Variants in CSMD2 observed in about 807,000 individuals in gnomAD.
CSMD2 encodes CUB and Sushi multiple domains 2, also known as CUB and sushi domain-containing protein 2.
Under a neutral mutation model 398.5 loss-of-function variants are expected in CSMD2, and 130 were observed. That is an observed-to-expected ratio of 0.33 (90% CI 0.28 to 0.38). The LOEUF (loss-of-function observed/expected upper bound fraction) is 0.38, where lower values mean the gene tolerates loss of function less well. CSMD2 is among the 10% of genes least tolerant of loss of function. The pLI is 1.00. For missense variants in CSMD2, 3,829 were observed against 4,764.9 expected, an observed-to-expected ratio of 0.80 and a Z score of 5.78; for synonymous variants, 1,828 against 1,908.5, an observed-to-expected ratio of 0.96 and a Z score of 1.10.
chr1:33,975,512 C>CACACACACACACA (rs925463388), intron 3 of CSMD2, among the ~76,000 whole-genome samples: 1 of 150,644 alleles, frequency 6.6e-6, no homozygotes, highest in Non-Finnish European at 1.5e-5. Context: ...CACACACACA[C>CACACACACACACA]AAGTGCATAA....
chr1:33,975,486 TACACACACAC>T (rs57095754), intron 3 of CSMD2, among the ~76,000 whole-genome samples: 1 of 146,360 alleles, frequency 6.8e-6, no homozygotes, highest in Non-Finnish European at 1.5e-5. Context: ...CTCCCAAGTG[TACACACACAC>T]ACACACACAC....
At chr1:33,996,873 G>C (rs1475173894) in intron 3 of CSMD2, among the ~76,000 whole-genome samples, 1 of 152,064 alleles carries the variant, frequency 6.6e-6, no homozygotes, top group Non-Finnish European at 1.5e-5. Flanking sequence ...GGGACCGGAA[G>C]AAGAAAGACA....
At chr1:33,723,341 C>G (rs908193871) in intron 19 of CSMD2, among the ~76,000 whole-genome samples, 1 of 152,208 alleles carries the variant, frequency 6.6e-6, no homozygotes, top group Non-Finnish European at 1.5e-5. Flanking sequence ...ATCAAAACCT[C>G]TAGCCTTGGG....
At chr1:34,069,761 G>A (rs1432695674) in intron 2 of CSMD2, among the ~76,000 whole-genome samples, 2 of 152,208 alleles carry the variant, frequency 1.3e-5, no homozygotes, top group Non-Finnish European at 2.9e-5. Flanking sequence ...GGTGTGATTA[G>A]ATTTGGAGAA....
At chr1:33,677,611 T>C (rs1425372088) in intron 25 of CSMD2, among the ~76,000 whole-genome samples, 1 of 152,196 alleles carries the variant, frequency 6.6e-6, no homozygotes, top group African/African-American at 2.4e-5. Context: ...TTACTGGGTA[T>C]ATGCCCAAAG....
chr1:33,930,448 C>G (rs997529111), intron 4 of CSMD2, among the ~76,000 whole-genome samples: 2 of 152,214 alleles, frequency 1.3e-5, no homozygotes, highest in East Asian at 3.9e-4. Flanking sequence ...TACAGCTCAG[C>G]GCTTGCAGTC....
Position 33,658,125 on chromosome 1 carries a change from G to A in CSMD2, c.4268C>T (p.Thr1423Met), listed in dbSNP as rs201706820. ...CGGGATCCCAGGGTCATTGCAGGAC[G>A]TTGCTGTGGACACTGGGGCAAGGAA... is the stretch of plus-strand genomic sequence containing the variant. ...FAIQFSVSTA[T>M]SCNDPGIPQN... The change falls in exon 27 of 71, where the codon ACG becomes ATG. Residue 1423 changes from threonine (T) to methionine (M), a missense_variant. This residue lies in a region of CSMD2 where 2,001 missense variants were observed against 2,567.1 expected (regional missense o/e 0.78). Coordinates refer to ENST00000373381, the MANE Select transcript of CSMD2 (RefSeq NM_001281956.2). 5.4e-5 allele frequency: 87 copies of A among 1,613,508 alleles called. No individual in the cohort carries two copies. The highest frequency in any genetic ancestry group is 2.4e-4 in the African/African-American group (18 of 74,918).
chr1:33,828,534 A>G (rs1659083960), intron 6 of CSMD2, among the ~76,000 whole-genome samples: 1 of 152,108 alleles, frequency 6.6e-6, no homozygotes, highest in Non-Finnish European at 1.5e-5. Context: ...TTGCTAGAGG[A>G]AGGGGAATGA....
chr1:34,145,537 G>A (rs1188608595), intron 1 of CSMD2, among the ~76,000 whole-genome samples: 2 of 152,180 alleles, frequency 1.3e-5, no homozygotes, highest in African/African-American at 2.4e-5. Context: ...GGGGAGAGCT[G>A]ATCTGTACCA....
chr1:33,684,179 A>AAG (rs1054871297), intron 25 of CSMD2, among the ~76,000 whole-genome samples: 3 of 152,228 alleles, frequency 2.0e-5, no homozygotes, highest in African/African-American at 7.2e-5. Flanking sequence ...TCCTCCCAGG[A>AAG]AGATAAGCTC....
At position 33,803,803 on chromosome 1, in the gene CSMD2, G is replaced by A. The variant is rs757901530; in HGVS notation, c.1446+6940C>T. 2.0e-4 allele frequency among the ~76,000 whole-genome samples: 31 copies of A among 152,310 alleles called. 1 individual carries two copies. The highest frequency in any genetic ancestry group is 2.0e-3 in the Admixed American group (30 of 15,302). On this transcript the variant is annotated intron_variant, in intron 10 of 70. Transcript: ENST00000373381. Reference sequence around the variant, plus strand: ...CCTCTAAACTTCTCCATTGCTGCTAGAGTAATTTTCCAAAAACTCAGATCT... The same window carrying A: ...CCTCTAAACTTCTCCATTGCTGCTAAAGTAATTTTCCAAAAACTCAGATCT...
In CSMD2 at chr1:33,635,364, C is replaced by G; in HGVS notation, c.4970-34G>C. 4 of 1,307,076 alleles carry G rather than the reference C, an allele frequency of 3.1e-6. No homozygotes were observed. The highest frequency in any genetic ancestry group is 4.4e-6 in the Non-Finnish European group (4 of 905,796). The allele number at this position is 1,307,076 out of a possible 1,614,324, so 81.0% of individuals were successfully genotyped here. A position where few individuals can be genotyped will look rare whatever the true frequency, so the allele number is the denominator to read the frequency against. On this transcript the variant is annotated intron_variant, in intron 30 of 70. Coordinates refer to ENST00000373381, the MANE Select transcript of CSMD2 (RefSeq NM_001281956.2). This position sits in a 1 kb window ranked among gnomAD's most constrained non-coding sequence, Gnocchi z 5.0. ...GAAACCAGATAGAGAGTCAGGTGACCTTGTGGGCCTCTTACCAGTGACCAT... is the reference window on the plus strand; with the variant it reads ...GAAACCAGATAGAGAGTCAGGTGACGTTGTGGGCCTCTTACCAGTGACCAT...
At chr1:33,565,076 G>T (rs905874707) in intron 53 of CSMD2, among the ~76,000 whole-genome samples, 13 of 152,184 alleles carry the variant, frequency 8.5e-5, no homozygotes, top group South Asian at 2.1e-4. Flanking sequence ...TATACACTAA[G>T]CCCAGGCAGA....
intron 2 of CSMD2, among the ~76,000 whole-genome samples, chr1:34,044,958 G>C (rs1479789106): frequency 2.0e-5 from 3 of 151,646 alleles, no homozygotes; most frequent in African/African-American, 7.3e-5. Context: ...AAACCATTAA[G>C]CTAAAAACAG....
At chr1:33,886,911 C>G (rs1229733349) in intron 5 of CSMD2, among the ~76,000 whole-genome samples, 1 of 152,080 alleles carries the variant, frequency 6.6e-6, no homozygotes, top group East Asian at 1.9e-4. Flanking sequence ...TCTCACTCAG[C>G]CTTCAGCATG....
At chr1:34,042,116 A>G (rs1651913778) in intron 2 of CSMD2, among the ~76,000 whole-genome samples, 1 of 152,230 alleles carries the variant, frequency 6.6e-6, no homozygotes, top group Admixed American at 6.5e-5. Flanking sequence ...TATGGAGTCT[A>G]TTAGTACATT....
chr1:34,082,319 G>A (rs1302893358), intron 2 of CSMD2, among the ~76,000 whole-genome samples: 1 of 150,350 alleles, frequency 6.7e-6, no homozygotes, highest in Non-Finnish European at 1.5e-5. Flanking sequence ...CTGCCCGGCC[G>A]CCCCGTCTGG....
At chr1:34,111,366 G>A (rs1390996788) in intron 1 of CSMD2, among the ~76,000 whole-genome samples, 1 of 152,164 alleles carries the variant, frequency 6.6e-6, no homozygotes, top group African/African-American at 2.4e-5. Context: ...ACTTGCCCAT[G>A]ACTTCCATAA....
chr1:33,924,446 G>A (rs553037556), intron 4 of CSMD2, among the ~76,000 whole-genome samples: 1 of 152,264 alleles, frequency 6.6e-6, no homozygotes, highest in African/African-American at 2.4e-5. Flanking sequence ...ATCTAATGGT[G>A]TGCACTTGTG....
Sources: gnomAD v4.1 joint callset for allele counts (sites outside exome capture counted in the v4.1 genomes callset) on GRCh38, gnomAD v4.1.1 for gene constraint, gnomAD v4.1.1 regional missense constraint, Gnocchi (gnomAD v3.1) non-coding constraint, MANE v1.5 for transcripts, NCBI Gene and HGNC (gene_info 2026-07-23, HGNC 2026-07-21) for gene names.